The following ATP8A2 variants were observed in gnomAD, a reference collection of about 807,000 sequenced individuals.
The protein encoded by ATP8A2 is ATPase phospholipid transporting 8A2.
ATP8A2 carries 100 observed loss-of-function variants against 165.6 expected under a neutral mutation model. The ratio of observed to expected loss-of-function variants is 0.60; its 90% CI spans 0.51 to 0.71. The LOEUF (loss-of-function observed/expected upper bound fraction) is 0.71. ATP8A2 is among the 30% of genes least tolerant of loss of function. The pLI is 0.00. For synonymous variants in ATP8A2, 543 were observed against 548.8 expected (o/e 0.99, Z 0.15); for missense variants, 1,227 against 1,479.5 (o/e 0.83, Z 2.80).
intron 24 of ATP8A2, among the ~76,000 whole-genome samples, chr13:25,625,373 G>A (rs2041074897): frequency 6.6e-6 from 1 of 152,232 alleles, no homozygotes; most frequent in South Asian, 2.1e-4. Flanking sequence ...GCCTCTTTAT[G>A]TCCAAAGCTT....
intron 26 of ATP8A2, among the ~76,000 whole-genome samples, chr13:25,770,831 G>A (rs1187825732): frequency 6.6e-6 from 1 of 152,182 alleles, no homozygotes; most frequent in Non-Finnish European, 1.5e-5. Context: ...GTGTTGAGGT[G>A]TTTGAAGAAT....
chr13:25,587,180 C>T (rs2039945407), intron 23 of ATP8A2, among the ~76,000 whole-genome samples: 1 of 151,998 alleles, frequency 6.6e-6, no homozygotes, highest in Non-Finnish European at 1.5e-5. Context: ...AGAAATCAAG[C>T]ACACCAAATG....
chr13:25,947,144 A>G (rs983487345), intron 33 of ATP8A2, among the ~76,000 whole-genome samples: 1 of 152,324 alleles, frequency 6.6e-6, no homozygotes. Flanking sequence ...ATGGCTTGAC[A>G]TAAGTACCCA....
chr13:25,653,198 C>T (rs1348857647), intron 24 of ATP8A2, among the ~76,000 whole-genome samples: 3 of 152,108 alleles, frequency 2.0e-5, no homozygotes, highest in Admixed American at 6.6e-5. Flanking sequence ...ATCCCAGCAC[C>T]GTTTATTGAA....
At chr13:25,599,351 C>A (rs564238135) in intron 24 of ATP8A2, among the ~76,000 whole-genome samples, 98 of 152,302 alleles carry the variant, frequency 6.4e-4, no homozygotes, top group African/African-American at 2.3e-3. Context: ...TTGGGAAGTA[C>A]CTCTGGTTAG....
intron 1 of ATP8A2, among the ~76,000 whole-genome samples, chr13:25,377,136 G>A (rs1407892623): frequency 6.6e-6 from 1 of 152,226 alleles, no homozygotes; most frequent in Admixed American, 6.5e-5. Context: ...TTTCGAAAAA[G>A]TTTTTAAGCA....
chr13:25,755,811 G>A (rs906567572), intron 25 of ATP8A2, among the ~76,000 whole-genome samples: 1 of 152,124 alleles, frequency 6.6e-6, no homozygotes, highest in Non-Finnish European at 1.5e-5. Context: ...GGAGGCTGAT[G>A]TAGGAGAATC....
At chr13:25,648,098 T>C (rs1180522456) in intron 24 of ATP8A2, among the ~76,000 whole-genome samples, 1 of 152,140 alleles carries the variant, frequency 6.6e-6, no homozygotes, top group African/African-American at 2.4e-5. Flanking sequence ...TTTCATAGTC[T>C]TTCTTTATTC....
At chr13:25,509,177 G>A (rs1049592931) in intron 2 of ATP8A2, among the ~76,000 whole-genome samples, 3 of 152,210 alleles carry the variant, frequency 2.0e-5, no homozygotes, top group Non-Finnish European at 4.4e-5. Context: ...CTTGAAGTAT[G>A]TGAGTCATAT....
At chr13:25,702,669 G>A (rs1276125982) in intron 25 of ATP8A2, among the ~76,000 whole-genome samples, 1 of 152,160 alleles carries the variant, frequency 6.6e-6, no homozygotes, top group East Asian at 1.9e-4. Context: ...TATTGTATTT[G>A]CCTCTATTCC....
intron 1 of ATP8A2, among the ~76,000 whole-genome samples, chr13:25,457,346 CTCAT>C: frequency 6.6e-6 from 1 of 151,952 alleles, no homozygotes; most frequent in Non-Finnish European, 1.5e-5. Context: ...AAATGCCACT[CTCAT>C]TTATATAAAG....
At chr13:25,946,285 C>T (rs528912115) in intron 33 of ATP8A2, among the ~76,000 whole-genome samples, 10 of 152,256 alleles carry the variant, frequency 6.6e-5, no homozygotes, top group Non-Finnish European at 8.8e-5. Context: ...GGACATCTCT[C>T]TCCTCCTGAG....
chr13:25,763,185 G>T (rs182943639), intron 25 of ATP8A2, among the ~76,000 whole-genome samples: 2 of 152,278 alleles, frequency 1.3e-5, no homozygotes, highest in Non-Finnish European at 2.9e-5. Flanking sequence ...TGGGGTGCAC[G>T]TAGTCACTCT....
intron 1 of ATP8A2, among the ~76,000 whole-genome samples, chr13:25,435,478 G>C (rs77587256): frequency 1.3e-5 from 2 of 152,096 alleles, no homozygotes; most frequent in Non-Finnish European, 2.9e-5. Flanking sequence ...GGGAGAGAAA[G>C]CCAGTAAAGC....
At chr13:25,614,158 A>G (rs2040762350) in intron 24 of ATP8A2, among the ~76,000 whole-genome samples, 1 of 152,118 alleles carries the variant, frequency 6.6e-6, no homozygotes, top group Non-Finnish European at 1.5e-5. Context: ...TTCTTTGGGT[A>G]CACCGATTAT....
At chr13:25,817,589 G>C (rs142774062) in intron 27 of ATP8A2, among the ~76,000 whole-genome samples, 6 of 152,144 alleles carry the variant, frequency 3.9e-5, no homozygotes, top group African/African-American at 1.4e-4. Context: ...AAAAATGTAT[G>C]TGTGTACCTC....
intron 25 of ATP8A2, among the ~76,000 whole-genome samples, chr13:25,765,834 A>G (rs2044479555): frequency 1.3e-5 from 2 of 152,092 alleles, no homozygotes; most frequent in African/African-American, 4.8e-5. Context: ...CCTCCCTAAC[A>G]AAAAACCAAC....
In ATP8A2 at chr13:25,539,088, T is replaced by TGTGTGTGC. The variant is rs1555293251; in HGVS notation, c.581+1034_581+1035insCGTGTGTG. On this transcript the variant is annotated intron_variant, in intron 7 of 36. Coordinates refer to ENST00000381655, the MANE Select transcript of ATP8A2 (RefSeq NM_016529.6). ...GTGTGTGTGTGTGTGTGTGTGTGTG[T>TGTGTGTGC]GTGTGTGTGTGTTTTGTTTTGTTTT... 6.5e-3 allele frequency among the ~76,000 whole-genome samples: 982 copies of TGTGTGTGC among 150,942 alleles called. 15 individuals carry two copies. Among genetic ancestry groups the TGTGTGTGC allele is most frequent in the African/African-American group, 0.022 (923 of 41,154 alleles).
chr13:25,509,374 T>C (rs142547025), intron 2 of ATP8A2, among the ~76,000 whole-genome samples: 4 of 152,286 alleles, frequency 2.6e-5, no homozygotes, highest in Non-Finnish European at 5.9e-5. Context: ...TGATCAATTA[T>C]TGCTAGAGGA....
Sources: gnomAD v4.1 joint callset for allele counts (sites outside exome capture counted in the v4.1 genomes callset) on GRCh38, gnomAD v4.1.1 for gene constraint, MANE v1.5 for transcripts, NCBI Gene and HGNC (gene_info 2026-07-23, HGNC 2026-07-21) for gene names.